The following FAM227B variants were observed in gnomAD, a reference collection of about 807,000 sequenced individuals.
FAM227B encodes the protein family with sequence similarity 227 member B.
FAM227B carries 88 observed loss-of-function variants against 73.8 expected under a neutral mutation model. The observed-to-expected ratio is 1.19, with a 90% CI of 1.00 to 1.42. The LOEUF (loss-of-function observed/expected upper bound fraction) is 1.42. Among genes scored for constraint, FAM227B ranks in the 40% most tolerant of loss-of-function variants. The pLI is 0.00. For missense variants in FAM227B, 632 were observed against 590.9 expected (o/e 1.07, Z -0.72); for synonymous variants, 210 against 190.5 (o/e 1.10, Z -0.84).
chr15:49,600,424 CGG>C (rs2077122435), intron 3 of FAM227B, among the ~76,000 whole-genome samples: 1 of 150,266 alleles, frequency 6.7e-6, no homozygotes, highest in Non-Finnish European at 1.5e-5. Context: ...GAGGCCAAGG[CGG>C]GTGGGTCACC....
chr15:49,515,371 C>T (rs938162136), intron 10 of FAM227B, among the ~76,000 whole-genome samples: 1 of 152,106 alleles, frequency 6.6e-6, no homozygotes, highest in African/African-American at 2.4e-5. Context: ...TGTTGCGTAC[C>T]TTTTCCACTA....
chr15:49,520,874 G>T (rs944715153), intron 10 of FAM227B, among the ~76,000 whole-genome samples: 8 of 152,026 alleles, frequency 5.3e-5, no homozygotes, highest in Admixed American at 3.9e-4. Context: ...GCAAGAGTCT[G>T]GTAGAGATTG....
At chr15:49,499,982 A>T (rs906106145) in intron 11 of FAM227B, among the ~76,000 whole-genome samples, 4 of 152,218 alleles carry the variant, frequency 2.6e-5, no homozygotes, top group Non-Finnish European at 4.4e-5. Flanking sequence ...AAACTATATT[A>T]AAAAATTGAT....
chr15:49,538,366 G>A (rs1486232520), intron 10 of FAM227B, among the ~76,000 whole-genome samples: 2 of 152,102 alleles, frequency 1.3e-5, no homozygotes, highest in Non-Finnish European at 2.9e-5. Context: ...CAGTTTGGCC[G>A]CAGAAGGCAC....
At chr15:49,489,492 T>A (rs1364516757) in intron 11 of FAM227B, 1 of 369,260 alleles carries the variant, frequency 2.7e-6, no homozygotes, top group East Asian at 1.7e-4. Flanking sequence ...AAACTAACAA[T>A]ATCCCTTTGC....
intron 10 of FAM227B, among the ~76,000 whole-genome samples, chr15:49,516,756 T>C (rs888301197): frequency 6.6e-6 from 1 of 152,080 alleles, no homozygotes; most frequent in African/African-American, 2.4e-5. Flanking sequence ...ACTATGAATA[T>C]GTCTTGTTAT....
At chr15:49,463,932 TTTTG>T (rs59867101) in intron 11 of FAM227B, among the ~76,000 whole-genome samples, 2 of 151,710 alleles carry the variant, frequency 1.3e-5, no homozygotes, top group Non-Finnish European at 2.9e-5. Flanking sequence ...TTTGTTTGTT[TTTTG>T]TTTGTTTGCT....
chr15:49,456,132 A>C (rs1337005449), intron 11 of FAM227B, among the ~76,000 whole-genome samples: 1 of 152,168 alleles, frequency 6.6e-6, no homozygotes, highest in Non-Finnish European at 1.5e-5. Flanking sequence ...TAATTTTGTT[A>C]AACACATTTG....
chr15:49,462,395 C>CT (rs1347622992), intron 11 of FAM227B, among the ~76,000 whole-genome samples: 5 of 152,086 alleles, frequency 3.3e-5, no homozygotes. Context: ...AATCACAATG[C>CT]TTTTTCCCCT....
At chr15:49,543,901 C>CCTA (rs2071444606) in intron 9 of FAM227B, among the ~76,000 whole-genome samples, 1 of 152,074 alleles carries the variant, frequency 6.6e-6, no homozygotes, top group South Asian at 2.1e-4. Context: ...GGTAACATAG[C>CCTA]CTTGTAGTAT....
At chr15:49,577,940 G>C (rs2075567577) in intron 5 of FAM227B, among the ~76,000 whole-genome samples, 1 of 152,140 alleles carries the variant, frequency 6.6e-6, no homozygotes, top group East Asian at 1.9e-4. Flanking sequence ...ATTACAGTTT[G>C]GTTCCCTGGG....
At chr15:49,448,630 T>C (rs991497113) in intron 11 of FAM227B, among the ~76,000 whole-genome samples, 2 of 151,652 alleles carry the variant, frequency 1.3e-5, no homozygotes, top group Non-Finnish European at 2.9e-5. Flanking sequence ...CCAAATATTC[T>C]TTGATGAGCA....
chr15:49,508,506 C>A (rs774662950), intron 10 of FAM227B, among the ~76,000 whole-genome samples, 158 bp from the exon 11 acceptor site: 1 of 151,986 alleles, frequency 6.6e-6, no homozygotes, highest in African/African-American at 2.4e-5. Flanking sequence ...GATAAGTCAT[C>A]TAACCACTCT....
intron 11 of FAM227B, among the ~76,000 whole-genome samples, chr15:49,428,893 G>A (rs538692897): frequency 1.3e-5 from 2 of 152,122 alleles, no homozygotes; most frequent in South Asian, 4.1e-4. Context: ...ACTGTGATGG[G>A]ATATGGCCTA....
intron 9 of FAM227B, among the ~76,000 whole-genome samples, chr15:49,558,151 G>A (rs1021396166): frequency 6.6e-6 from 1 of 152,108 alleles, no homozygotes; most frequent in Admixed American, 6.6e-5. Flanking sequence ...GAATACTGTG[G>A]GTGGTCACAG....
intron 10 of FAM227B, among the ~76,000 whole-genome samples, chr15:49,526,727 T>C (rs949208375): frequency 6.6e-6 from 1 of 151,930 alleles, no homozygotes; most frequent in African/African-American, 2.4e-5. Context: ...ACCACTGATA[T>C]CAGAGAAATA....
chr15:49,333,581 G>C (rs1312743819), intron 14 of FAM227B, among the ~76,000 whole-genome samples: 2 of 152,134 alleles, frequency 1.3e-5, no homozygotes, highest in African/African-American at 4.8e-5. Flanking sequence ...AAAGTTTTTG[G>C]TGAAAAGTGA....
chr15:49,597,508 C>G (rs369709412), intron 3 of FAM227B, among the ~76,000 whole-genome samples: 3 of 151,954 alleles, frequency 2.0e-5, no homozygotes, highest in African/African-American at 7.2e-5. Flanking sequence ...ATACCTACAT[C>G]AAAAAGCCTG....
rs199802392 is a variant in FAM227B at position 49,541,661 on chromosome 15, T to C, written c.874+19A>G. On this transcript the variant is annotated intron_variant, in intron 10 of 15. Transcript: ENST00000299338. ...TAGAAACCAAAACAATGATTAATAT[T>C]TAAATGATATATTCATACCTGAACA... The C allele has an allele frequency of 1.4e-4, 198 of 1,413,048 alleles. No individual in the cohort carries two copies. Among genetic ancestry groups the C allele is most frequent in the Non-Finnish European group, 1.8e-4 (189 of 1,076,356 alleles). The allele number at this position is 1,413,048 out of a possible 1,614,324, so 87.5% of individuals were successfully genotyped here.
Sources: allele counts gnomAD v4.1 joint callset (sites outside exome capture counted in the v4.1 genomes callset), GRCh38; gene constraint gnomAD v4.1.1; transcripts MANE v1.5; gene names NCBI Gene and HGNC (gene_info 2026-07-23, HGNC 2026-07-21).